CBFA2T2: variants seen among roughly 807,000 people sequenced by gnomAD.
CBFA2T2 encodes the protein CBFA2/RUNX1 partner transcriptional co-repressor 2, also known as protein CBFA2T2.
CBFA2T2 carries 11 observed loss-of-function variants against 62.2 expected under a neutral mutation model. The observed-to-expected ratio is 0.18, with a 90% CI of 0.11 to 0.29. The LOEUF (loss-of-function observed/expected upper bound fraction) is 0.29, where lower values mean the gene tolerates loss of function less well. Among genes scored for constraint, CBFA2T2 ranks in the 10% least tolerant of loss-of-function variants. CBFA2T2 has a pLI of 1.00. For synonymous variants in CBFA2T2, 295 were observed against 287.5 expected, an observed-to-expected ratio of 1.03 and a Z score of -0.27; for missense variants, 592 against 774.1, an observed-to-expected ratio of 0.76 and a Z score of 2.79.
intron 1 of CBFA2T2, among the ~76,000 whole-genome samples, chr20:33,595,166 TC>T (rs1482760855): frequency 1.3e-5 from 2 of 152,260 alleles, no homozygotes; most frequent in Non-Finnish European, 2.9e-5. Flanking sequence ...CTGTAATGAT[TC>T]TTAATGCATT....
rs547890057 is a variant in CBFA2T2, at chr20:33,611,451, T to C, written c.420+116T>C. The stretch of plus-strand genomic sequence containing the variant: ...AAACCCATGGTCATATGGCAAATGC[T>C]ACAGACTAGACTAGTTATTGAATAA... On this transcript the variant is annotated intron_variant, in intron 3 of 10. Transcript: ENST00000342704. The C allele has an allele frequency of 1.1e-5, 13 of 1,170,630 alleles. No individual in the cohort carries two copies. In the African/African-American group the frequency reaches 1.7e-4, roughly 15 times the overall value. The allele number at this position is 1,170,630 out of a possible 1,614,324, so 72.5% of individuals were successfully genotyped here.
chr20:33,614,108 C>T (rs1185199356), intron 3 of CBFA2T2, among the ~76,000 whole-genome samples: 1 of 148,356 alleles, frequency 6.7e-6, no homozygotes, highest in Non-Finnish European at 1.5e-5. Flanking sequence ...GAGCAAGACT[C>T]CGTCTCAAAA....
intron 1 of CBFA2T2, among the ~76,000 whole-genome samples, chr20:33,569,228 G>A (rs1018777872): frequency 2.0e-5 from 3 of 152,138 alleles, no homozygotes; most frequent in Admixed American, 2.0e-4. Flanking sequence ...TTAATCCAGT[G>A]GGCAGTATGT....
At chr20:33,623,049 C>G in intron 4 of CBFA2T2, 66 bp from the exon 5 acceptor site, 1 of 1,487,560 alleles carries the variant, frequency 6.7e-7, no homozygotes, top group East Asian at 2.3e-5. Flanking sequence ...TTTGTGAAAG[C>G]CCTTTGAGGT....
intron 1 of CBFA2T2, among the ~76,000 whole-genome samples, chr20:33,596,976 G>A (rs1376954061): frequency 6.9e-6 from 1 of 143,964 alleles, no homozygotes; most frequent in Admixed American, 7.3e-5. Context: ...CCAGGCTAGA[G>A]TACAGTGGCA....
intron 1 of CBFA2T2, among the ~76,000 whole-genome samples, chr20:33,579,834 G>A (rs1275586480): frequency 1.4e-5 from 2 of 140,816 alleles, no homozygotes; most frequent in Non-Finnish European, 3.1e-5. Context: ...TTTTTTTTGA[G>A]ACGGAGTTTC....
chr20:33,570,344 G>A (rs559906577), intron 1 of CBFA2T2, among the ~76,000 whole-genome samples: 122 of 152,302 alleles, frequency 8.0e-4, no homozygotes, highest in African/African-American at 2.9e-3. Flanking sequence ...AACATTTTAC[G>A]TGACAGCTCC....
intron 1 of CBFA2T2, chr20:33,562,661 T>C (rs932504526): frequency 2.0e-6 from 2 of 985,410 alleles, no homozygotes; most frequent in African/African-American, 3.5e-5. Flanking sequence ...TTGTTTATAA[T>C]TTGGGCATTT....
At position 33,490,164 on chromosome 20, in the gene CBFA2T2, G is replaced by A. The variant is rs1194320368; in HGVS notation, c.-104G>A. ...TAGCTCGGCGGCTGCAGATCTCGCG[G>A]CGACGCCTGCGAGGGACCCGGGCCG... On this transcript the variant is annotated 5_prime_UTR_variant, in exon 1 of 11. Coordinates refer to ENST00000342704, the MANE Select transcript of CBFA2T2 (RefSeq NM_001032999.3). The A allele has an allele frequency of 3.8e-5, 43 of 1,139,362 alleles. No individual in the cohort carries two copies. Among genetic ancestry groups the A allele is most frequent in the Non-Finnish European group, 4.7e-5 (43 of 915,170 alleles). 70.6% of individuals were successfully genotyped at this position (1,139,362 alleles called of 1,614,324 possible). A position where few individuals can be genotyped will look rare whatever the true frequency, so the allele number is the denominator to read the frequency against.
chr20:33,558,823 T>TGG (rs141381907), intron 1 of CBFA2T2, among the ~76,000 whole-genome samples: 2,776 of 150,518 alleles, frequency 0.018, 98 homozygotes, highest in African/African-American at 0.065. Context: ...GCCAACTGTT[T>TGG]GGGGGGGCGG....
At chr20:33,557,004 CTTTTTT>C (rs751836572) in intron 1 of CBFA2T2, among the ~76,000 whole-genome samples, 1 of 46,200 alleles carries the variant, frequency 2.2e-5, no homozygotes, top group Non-Finnish European at 3.9e-5. Flanking sequence ...GCATGCTTAT[CTTTTTT>C]TTTTTTTTTT....
chr20:33,607,660 A>G (rs1051893079), intron 2 of CBFA2T2, among the ~76,000 whole-genome samples: 1 of 152,142 alleles, frequency 6.6e-6, no homozygotes, highest in Non-Finnish European at 1.5e-5. Flanking sequence ...CCATATCCTC[A>G]CATGGTCTTT....
chr20:33,536,096 G>C (rs2012215420), intron 1 of CBFA2T2, among the ~76,000 whole-genome samples: 2 of 152,164 alleles, frequency 1.3e-5, no homozygotes, highest in Non-Finnish European at 1.5e-5. Context: ...GCAACCATCC[G>C]ATTTCCCAAT....
intron 1 of CBFA2T2, among the ~76,000 whole-genome samples, chr20:33,519,020 C>G (rs1335720909): frequency 6.6e-6 from 1 of 152,078 alleles, no homozygotes; most frequent in Non-Finnish European, 1.5e-5. Context: ...CGGGCTGTCT[C>G]AGTTTTCAAA....
intron 3 of CBFA2T2, 103 bp downstream of exon 3, chr20:33,611,438 A>G: frequency 7.5e-7 from 1 of 1,331,362 alleles, no homozygotes; most frequent in Non-Finnish European, 1.0e-6. Context: ...ACCCATGGTC[A>G]TATGGCAAAT....
intron 3 of CBFA2T2, 113 bp from the exon 4 acceptor site, chr20:33,619,404 C>T (rs1411042212): frequency 1.8e-6 from 1 of 570,832 alleles, no homozygotes; most frequent in East Asian, 3.4e-5. Context: ...AAGACTCCAT[C>T]TCAAATAAAT....
intron 1 of CBFA2T2, among the ~76,000 whole-genome samples, chr20:33,592,049 T>C (rs1179816415): frequency 6.6e-6 from 1 of 152,050 alleles, no homozygotes; most frequent in African/African-American, 2.4e-5. Context: ...TGATAACAAG[T>C]GTTAGTTGAT....
chr20:33,513,020 G>A (rs2011536955), intron 1 of CBFA2T2, among the ~76,000 whole-genome samples: 2 of 152,022 alleles, frequency 1.3e-5, no homozygotes, highest in South Asian at 4.2e-4. Flanking sequence ...CCAAAGTGCT[G>A]GGATTACAGG....
In CBFA2T2 at chr20:33,636,654, T is replaced by C. The variant is rs2122377459; in HGVS notation, c.1243T>C (p.Phe415Leu). 6.2e-7 allele frequency: 1 copy of C among 1,613,344 alleles called. No homozygotes were observed. Among genetic ancestry groups the C allele is most frequent in the Admixed American group, 1.7e-5 (1 of 59,958 alleles). The stretch of plus-strand genomic sequence containing the variant: ...CTCTTCTGCAGATTCTCAGAGAGAG[T>C]TCAACAGCAGGCCAGGTACAGGATA... ...DSLSNDSQRE[F>L]NSRPGTGYVP... The change falls in exon 9 of 11, where the codon TTC becomes CTC. Residue 415 changes from phenylalanine to leucine, a missense_variant. This residue lies in a region of CBFA2T2 where 449 missense variants were observed against 551.2 expected (regional missense o/e 0.81). Transcript: ENST00000342704.
Sources: gnomAD v4.1 joint callset for allele counts (sites outside exome capture counted in the v4.1 genomes callset) on GRCh38, gnomAD v4.1.1 for gene constraint, gnomAD v4.1.1 regional missense constraint, MANE v1.5 for transcripts, NCBI Gene and HGNC (gene_info 2026-07-23, HGNC 2026-07-21) for gene names.